CAMSAP1: variants seen among roughly 807,000 people sequenced by gnomAD.
CAMSAP1 encodes the protein calmodulin regulated spectrin associated protein 1, also known as calmodulin-regulated spectrin-associated protein 1.
CAMSAP1 carries 58 observed loss-of-function variants against 143.5 expected under a neutral mutation model. That is an observed-to-expected ratio of 0.40 (90% confidence interval 0.33 to 0.50). The LOEUF (loss-of-function observed/expected upper bound fraction) is 0.50. CAMSAP1 is among the 20% of genes least tolerant of loss of function. The pLI is 0.45. For missense variants in CAMSAP1, 1,969 were observed against 2,115.7 expected (o/e 0.93, Z 1.36); for synonymous variants, 945 against 859.3 (o/e 1.10, Z -1.74).
At chr9:135,894,458 C>A (rs971897234) in intron 1 of CAMSAP1, among the ~76,000 whole-genome samples, 6 of 152,198 alleles carry the variant, frequency 3.9e-5, no homozygotes, top group African/African-American at 7.2e-5. Flanking sequence ...AAACACCCAG[C>A]CTGGGAAGCT....
At position 135,822,394 on chromosome 9, in the gene CAMSAP1, G is replaced by A. The variant is rs1197490664; in HGVS notation, c.2267C>T (p.Ala756Val). The A allele has an allele frequency of 1.2e-6, 2 of 1,613,954 alleles. No individual in the cohort carries two copies. The highest frequency in any genetic ancestry group is 1.7e-6 in the Non-Finnish European group (2 of 1,179,892). Residue 756 changes from alanine to valine, a missense_variant, in exon 11 of 17, where the codon GCC (alanine) becomes GTC (valine). This residue lies in a region of CAMSAP1 where 1,390 missense variants were observed against 1,420.8 expected (regional missense o/e 0.98). Transcript: ENST00000389532. The surrounding 1 kb of genome is among the most constrained non-coding windows in gnomAD (Gnocchi z 6.1). ...GTATCTGCTGAAAACCACAGGATGG[G>A]CCTCACCCATGAAATCGTGCTCGGC... Reference protein sequence around the residue: ...EEAEHDFMGEAHPVVFSRYIG... With the variant: ...EEAEHDFMGEVHPVVFSRYIG...
In CAMSAP1 at chr9:135,811,622, A is replaced by T. The variant is rs528668555; in HGVS notation, c.4507-11T>A. ...ACACTTCTCCAGCTCCTGTGCAGAG[A>T]GAGAAAAGGGGAAGAGACAAACACT... On this transcript the variant is annotated splice_polypyrimidine_tract_variant and intron_variant, in intron 16 of 16. Coordinates refer to ENST00000389532, the MANE Select transcript of CAMSAP1 (RefSeq NM_015447.4). This position sits in a 1 kb window ranked among gnomAD's most constrained non-coding sequence, Gnocchi z 4.9. The T allele has an allele frequency of 6.4e-7, 1 of 1,572,092 alleles. No individual in the cohort carries two copies. Among genetic ancestry groups the T allele is most frequent in the South Asian group, 1.2e-5 (1 of 85,640 alleles).
rs897513798 is a variant in CAMSAP1, at chr9:135,818,397, G to C, written c.4168+11C>G. On this transcript the variant is annotated intron_variant, in intron 13 of 16. Transcript: ENST00000389532. The surrounding 1 kb of genome is among the most constrained non-coding windows in gnomAD (Gnocchi z 7.7). ...GGAAGCGCTGCCCGCGTGAGGGCCG[G>C]GGCTGCTTACGGGTGGAGGAGCACT... The C allele has an allele frequency of 2.6e-6, 4 of 1,564,058 alleles. No homozygotes were observed. The highest frequency in any genetic ancestry group is 3.4e-6 in the Non-Finnish European group (4 of 1,160,554).
chr9:135,854,337 C>T (rs1010479060), intron 5 of CAMSAP1, among the ~76,000 whole-genome samples: 6 of 152,216 alleles, frequency 3.9e-5, no homozygotes, highest in Admixed American at 1.3e-4. Context: ...GCTGCTATAC[C>T]TGAATTCTTG....
chr9:135,839,074 G>C (rs551780224), intron 7 of CAMSAP1, among the ~76,000 whole-genome samples: 1 of 152,234 alleles, frequency 6.6e-6, no homozygotes, highest in Non-Finnish European at 1.5e-5. Context: ...CTTTCTACCC[G>C]TTCTGCAGAC....
intron 7 of CAMSAP1, among the ~76,000 whole-genome samples, chr9:135,841,940 T>C (rs1189896509): frequency 6.6e-6 from 1 of 152,092 alleles, no homozygotes; most frequent in Non-Finnish European, 1.5e-5. Flanking sequence ...ATGCCTCCTC[T>C]CCTCCAAAGG....
intron 5 of CAMSAP1, among the ~76,000 whole-genome samples, chr9:135,861,393 A>G (rs1837187889): frequency 6.7e-6 from 1 of 150,016 alleles, no homozygotes; most frequent in Non-Finnish European, 1.5e-5. Context: ...GCTCACCACA[A>G]TGTCTGCCTC....
At chr9:135,906,918 C>T in intron 1 of CAMSAP1, 82 bp downstream of exon 1, 1 of 819,334 alleles carries the variant, frequency 1.2e-6, no homozygotes, top group Non-Finnish European at 1.5e-6. Context: ...CGCGCGGACC[C>T]CGACCCGGCC....
intron 3 of CAMSAP1, among the ~76,000 whole-genome samples, chr9:135,877,737 G>C (rs1837802254): frequency 6.6e-6 from 1 of 152,088 alleles, no homozygotes; most frequent in Non-Finnish European, 1.5e-5. Context: ...GCTTGAGCCT[G>C]GGAGGTCAGG....
intron 5 of CAMSAP1, among the ~76,000 whole-genome samples, chr9:135,856,547 C>T (rs1836985238): frequency 6.6e-6 from 1 of 152,206 alleles, no homozygotes; most frequent in Non-Finnish European, 1.5e-5. Context: ...ACACGCAGCC[C>T]CATCCCCTAC....
At chr9:135,812,887 T>C (rs760956205) in intron 16 of CAMSAP1, among the ~76,000 whole-genome samples, 3 of 149,994 alleles carry the variant, frequency 2.0e-5, no homozygotes, top group Non-Finnish European at 3.0e-5. Flanking sequence ...TCTGGAGGGG[T>C]GGAGGTTGCA....
At chr9:135,879,757 T>C (rs527945659) in intron 3 of CAMSAP1, among the ~76,000 whole-genome samples, 1 of 152,072 alleles carries the variant, frequency 6.6e-6, no homozygotes, top group Non-Finnish European at 1.5e-5. Context: ...TCATCGTGGC[T>C]GGACGGAGAC....
intron 16 of CAMSAP1, among the ~76,000 whole-genome samples, chr9:135,813,962 C>T (rs2131636533): frequency 6.6e-6 from 1 of 152,342 alleles, no homozygotes; most frequent in Non-Finnish European, 1.5e-5. Context: ...CTGTCTTCTC[C>T]CTCTTCACCC....
chr9:135,839,125 G>C (rs967274407), intron 7 of CAMSAP1, among the ~76,000 whole-genome samples: 1 of 152,136 alleles, frequency 6.6e-6, no homozygotes, highest in Admixed American at 6.5e-5. Context: ...GGCGCCCTTC[G>C]GTTCTGCTCC....
intron 5 of CAMSAP1, among the ~76,000 whole-genome samples, chr9:135,854,264 C>T (rs114535786): frequency 0.014 from 2,058 of 152,292 alleles, 51 homozygotes; most frequent in African/African-American, 0.047. Context: ...GAAGATTGCT[C>T]ATTTTGTCTA....
Position 135,822,228 on chromosome 9 carries a change from G to C in CAMSAP1, c.2433C>G (p.Ser811Arg). 1 of 1,613,930 alleles carries C rather than the reference G, an allele frequency of 6.2e-7. No homozygotes were observed. ...TCTCCGCAAAGCTGGTCATCTTCAC[G>C]CTCCCACTCGCCATGGAGACACTGC... ...QMSSVSMASG[S>R]VKMTSFAERK... The change falls in exon 11 of 17, where the codon AGC (serine) becomes AGG (arginine). Residue 811 changes from serine to arginine, a missense_variant. Ser to Arg is a moderately radical substitution (Grantham distance 110). Coordinates refer to ENST00000389532, the MANE Select transcript of CAMSAP1 (RefSeq NM_015447.4). This position sits in a 1 kb window ranked among gnomAD's most constrained non-coding sequence, Gnocchi z 6.1.
At position 135,859,485 on chromosome 9, in the gene CAMSAP1, T is replaced by C. The variant is rs766352228; in HGVS notation, c.808+2982A>G. Reference sequence around the variant, plus strand: ...TCGGCTCACTGCAAGCTCCACCTCCTGGGTTCACGCCATTCTCCTGCCTCA... The same window carrying C: ...TCGGCTCACTGCAAGCTCCACCTCCCGGGTTCACGCCATTCTCCTGCCTCA... On this transcript the variant is annotated intron_variant, in intron 5 of 16. Coordinates refer to ENST00000389532, the MANE Select transcript of CAMSAP1 (RefSeq NM_015447.4). Among the ~76,000 whole-genome samples, 32 of 152,090 alleles carry C rather than the reference T, an allele frequency of 2.1e-4. 1 individual carries two copies. Among genetic ancestry groups the C allele is most frequent in the Admixed American group, 4.6e-4 (7 of 15,270 alleles).
intron 5 of CAMSAP1, among the ~76,000 whole-genome samples, chr9:135,851,754 C>T (rs1427974130): frequency 1.3e-5 from 2 of 152,218 alleles, no homozygotes; most frequent in African/African-American, 4.8e-5. Context: ...TATGTTGATA[C>T]GGAGAGATTT....
intron 5 of CAMSAP1, among the ~76,000 whole-genome samples, chr9:135,860,600 A>AG (rs1837151376): frequency 6.7e-6 from 1 of 149,038 alleles, no homozygotes; most frequent in Admixed American, 6.6e-5. Flanking sequence ...TCTGCCTCAA[A>AG]AAAAAAAAAA....
Sources: gnomAD v4.1 joint callset for allele counts (sites outside exome capture counted in the v4.1 genomes callset) on GRCh38, gnomAD v4.1.1 for gene constraint, gnomAD v4.1.1 regional missense constraint, Gnocchi (gnomAD v3.1) non-coding constraint, MANE v1.5 for transcripts, NCBI Gene and HGNC (gene_info 2026-07-23, HGNC 2026-07-21) for gene names.